Variants in NTRK2 observed in about 807,000 individuals in gnomAD.
The protein encoded by NTRK2 is neurotrophic receptor tyrosine kinase 2.
A neutral mutation model predicts 94.5 loss-of-function variants in NTRK2; 13 were observed. That is an observed-to-expected ratio of 0.14 (90% CI 0.09 to 0.22). The LOEUF is 0.22. Ranked by LOEUF, NTRK2 falls within the 10% of genes least tolerant of loss-of-function variation. The pLI, the probability that NTRK2 is intolerant of heterozygous loss-of-function variation, is 1.00. For missense variants in NTRK2, 639 were observed against 1,071.2 expected, an observed-to-expected ratio of 0.60 and a Z score of 5.63; for synonymous variants, 372 against 407.4, an observed-to-expected ratio of 0.91 and a Z score of 1.05.
chr9:84,723,842 G>A (rs559693105), intron 7 of NTRK2, 133 bp downstream of exon 7: 3 of 1,264,150 alleles, frequency 2.4e-6, no homozygotes, highest in Admixed American at 3.5e-5. Flanking sequence ...AGTTTTTGAT[G>A]TACATTCACT....
chr9:84,809,492 TAA>T (rs1363047773), intron 12 of NTRK2, among the ~76,000 whole-genome samples: 2 of 150,304 alleles, frequency 1.3e-5, no homozygotes, highest in Non-Finnish European at 3.0e-5. Flanking sequence ...GTATGCTATA[TAA>T]GTTATATAAT....
intron 14 of NTRK2, among the ~76,000 whole-genome samples, chr9:84,870,783 A>T (rs1172860543): frequency 1.3e-5 from 2 of 152,172 alleles, no homozygotes; most frequent in Non-Finnish European, 1.5e-5. Context: ...TATCACATGG[A>T]CAGTACAATA....
At chr9:84,841,812 A>G (rs905509682) in intron 12 of NTRK2, among the ~76,000 whole-genome samples, 6 of 152,192 alleles carry the variant, frequency 3.9e-5, no homozygotes, top group Admixed American at 3.9e-4. Flanking sequence ...CACGGCAGAA[A>G]TTTTGGTCCA....
intron 18 of NTRK2, 64 bp from the exon 19 acceptor site, chr9:85,021,188 C>G (rs2117990947): frequency 6.8e-7 from 1 of 1,461,552 alleles, no homozygotes; most frequent in Non-Finnish European, 9.5e-7. Context: ...TTTTTTTGCA[C>G]TGACATTTCT....
At chr9:84,769,921 T>C (rs1206532954) in intron 12 of NTRK2, among the ~76,000 whole-genome samples, 1 of 152,218 alleles carries the variant, frequency 6.6e-6, no homozygotes, top group Admixed American at 6.5e-5. Flanking sequence ...AGCAAACTCC[T>C]GTGAGCTAAA....
At chr9:84,847,515 C>T (rs748319559) in intron 12 of NTRK2, among the ~76,000 whole-genome samples, 5 of 152,194 alleles carry the variant, frequency 3.3e-5, no homozygotes, top group Non-Finnish European at 7.4e-5. Context: ...TGAAGACAAA[C>T]ATTTGTCTTA....
chr9:84,777,650 T>C (rs2067179449), intron 12 of NTRK2, among the ~76,000 whole-genome samples: 1 of 152,188 alleles, frequency 6.6e-6, no homozygotes, highest in Admixed American at 6.5e-5. Flanking sequence ...TCCTAATTTG[T>C]AATGTTTGCT....
chr9:84,855,858 A>G (rs1271202260), intron 12 of NTRK2, among the ~76,000 whole-genome samples: 1 of 152,206 alleles, frequency 6.6e-6, no homozygotes, highest in African/African-American at 2.4e-5. Context: ...CCTAGGTGTT[A>G]TCTTAATTCT....
At chr9:84,907,507 G>A (rs948915387) in intron 14 of NTRK2, among the ~76,000 whole-genome samples, 1 of 152,140 alleles carries the variant, frequency 6.6e-6, no homozygotes, top group Admixed American at 6.5e-5. Context: ...TTTTCAAAAT[G>A]TGGAACAAAA....
intron 16 of NTRK2, among the ~76,000 whole-genome samples, chr9:84,952,765 T>C (rs1256040740): frequency 6.6e-6 from 1 of 152,154 alleles, no homozygotes; most frequent in Non-Finnish European, 1.5e-5. Flanking sequence ...CACATACTAA[T>C]ATAAAGTGCA....
At chr9:84,907,440 A>G (rs2077104950) in intron 14 of NTRK2, among the ~76,000 whole-genome samples, 1 of 152,226 alleles carries the variant, frequency 6.6e-6, no homozygotes, top group Admixed American at 6.5e-5. Context: ...GTTCCCTATT[A>G]TTACCAGCAG....
At chr9:84,686,227 TG>T (rs1212057642) in intron 2 of NTRK2, among the ~76,000 whole-genome samples, 3 of 152,038 alleles carry the variant, frequency 2.0e-5, no homozygotes, top group Non-Finnish European at 1.5e-5. Context: ...TGATTAATTG[TG>T]GAAAGGAAAA....
chr9:84,987,728 A>G (rs1828505968), intron 17 of NTRK2, among the ~76,000 whole-genome samples: 1 of 152,182 alleles, frequency 6.6e-6, no homozygotes, highest in Non-Finnish European at 1.5e-5. Context: ...TACTACCACT[A>G]AATTATACTT....
chr9:84,767,467 C>T (rs2066145281), intron 12 of NTRK2, among the ~76,000 whole-genome samples: 1 of 152,168 alleles, frequency 6.6e-6, no homozygotes, highest in Non-Finnish European at 1.5e-5. Flanking sequence ...TTATTGTCCT[C>T]CTGACAAATT....
intron 14 of NTRK2, among the ~76,000 whole-genome samples, chr9:84,901,540 T>G (rs1001342634): frequency 6.6e-6 from 1 of 152,124 alleles, no homozygotes; most frequent in Non-Finnish European, 1.5e-5. Flanking sequence ...CCATAATTTT[T>G]AAGACGTAAA....
intron 17 of NTRK2, among the ~76,000 whole-genome samples, chr9:84,966,079 T>A (rs1211816500): frequency 6.6e-6 from 1 of 152,208 alleles, no homozygotes; most frequent in Middle Eastern, 3.2e-3. Flanking sequence ...GCCTGAGGGA[T>A]TCTGCTTACC....
chr9:84,971,118 C>T (rs185414593), intron 17 of NTRK2, among the ~76,000 whole-genome samples: 24 of 152,246 alleles, frequency 1.6e-4, no homozygotes, highest in Admixed American at 2.6e-4. Context: ...ACAATTTAAC[C>T]ATATTTGTTA....
Position 84,670,612 on chromosome 9 carries a change from C to A in NTRK2, c.-137C>A. On this transcript the variant is annotated 5_prime_UTR_variant, in exon 2 of 19. It adds an upstream start codon to the 5' untranslated region. Coordinates refer to ENST00000277120, the MANE Select transcript of NTRK2 (RefSeq NM_006180.6). Reference sequence around the variant, plus strand: ...CCGGACCAGCTCAGCCTCTGATAAGCTGGACTCGGCACGCCCGCAACAAGC... The same window carrying A: ...CCGGACCAGCTCAGCCTCTGATAAGATGGACTCGGCACGCCCGCAACAAGC... The A allele has an allele frequency of 1.2e-6, 1 of 858,746 alleles. No individual in the cohort carries two copies. Among genetic ancestry groups the A allele is most frequent in the Non-Finnish European group, 1.9e-6 (1 of 521,676 alleles). 53.2% of individuals were successfully genotyped at this position (858,746 alleles called of 1,614,324 possible).
At chr9:84,871,667 G>T (rs970235145) in intron 14 of NTRK2, 7 of 822,502 alleles carry the variant, frequency 8.5e-6, no homozygotes, top group Non-Finnish European at 1.5e-5. Context: ...TCACTATCTG[G>T]AGTGATATGA....
Sources: allele counts gnomAD v4.1 joint callset (sites outside exome capture counted in the v4.1 genomes callset), GRCh38; gene constraint gnomAD v4.1.1; transcripts MANE v1.5; gene names NCBI Gene and HGNC (gene_info 2026-07-23, HGNC 2026-07-21).